CFH: variants seen among roughly 807,000 people sequenced by gnomAD.
The protein encoded by CFH is complement factor H.
A neutral mutation model predicts 147.3 loss-of-function variants in CFH; 53 were observed. The ratio of observed to expected loss-of-function variants is 0.36; its 90% confidence interval spans 0.29 to 0.45. The LOEUF (loss-of-function observed/expected upper bound fraction) is 0.45, where lower values mean the gene tolerates loss of function less well. Among genes scored for constraint, CFH ranks in the 20% least tolerant of loss-of-function variants. CFH has a pLI of 1.00. For missense variants in CFH, 1,380 were observed against 1,498.0 expected (o/e 0.92, Z 1.30); for synonymous variants, 536 against 489.4 (o/e 1.10, Z -1.26).
At chr1:196,691,553 G>T (rs1668023695) in intron 9 of CFH, among the ~76,000 whole-genome samples, 1 of 151,670 alleles carries the variant, frequency 6.6e-6, no homozygotes, top group South Asian at 2.1e-4. Context: ...AGTTTAATTG[G>T]TATTTAATGC....
At chr1:196,717,999 G>A (rs1017495849) in intron 11 of CFH, among the ~76,000 whole-genome samples, 1 of 152,052 alleles carries the variant, frequency 6.6e-6, no homozygotes, top group African/African-American at 2.4e-5. Context: ...GTGTGTGGGC[G>A]AAGGAGGAGG....
In CFH at chr1:196,713,753, G is replaced by A. The variant is rs1558172767; in HGVS notation, c.1355G>A (p.Ser452Asn). Reference sequence around the variant, plus strand: ...CTTTTAGAAACATGTTCCAAATCAAGTATAGATATTGAGAATGGGTTTATT... The same window carrying A: ...CTTTTAGAAACATGTTCCAAATCAAATATAGATATTGAGAATGGGTTTATT... ...CIRVKTCSKS[S>N]IDIENGFISE... is the part of the protein sequence containing the mutation. Residue 452 changes from serine (S) to asparagine (N), a missense_variant, in exon 10 of 22, where the codon AGT (serine) becomes AAT (asparagine). Ser to Asn is a conservative substitution (Grantham distance 46). This residue lies in a region of CFH where 830 missense variants were observed against 821.4 expected (regional missense o/e 1.01). Transcript: ENST00000367429. The A allele has an allele frequency of 3.1e-6, 5 of 1,592,250 alleles. No homozygotes were observed. The highest frequency in any genetic ancestry group is 3.4e-6 in the Non-Finnish European group (4 of 1,161,470).
chr1:196,675,846 C>T (rs1667434864), intron 3 of CFH, 143 bp from the exon 4 acceptor site: 1 of 541,344 alleles, frequency 1.8e-6, no homozygotes, highest in Middle Eastern at 3.0e-4. Flanking sequence ...GAAGGAAAAA[C>T]AAACAAGAAA....
chr1:196,692,588 T>C (rs1001491941), intron 9 of CFH, among the ~76,000 whole-genome samples: 6 of 82,626 alleles, frequency 7.3e-5, no homozygotes, highest in Non-Finnish European at 1.5e-4. Flanking sequence ...TTTCTTTCTT[T>C]CCTTCTCTTC....
At chr1:196,743,683 T>C (rs542877980) in intron 20 of CFH, 55 bp downstream of exon 20, 233 of 1,609,278 alleles carry the variant, frequency 1.4e-4, no homozygotes, top group Admixed American at 5.7e-4. Context: ...GGTTAAAATA[T>C]GTTGATTTAA....
rs1669139358 is a variant in CFH at position 196,726,467 on chromosome 1, T to C, written c.1874-3T>C. 10 of 1,603,552 alleles carry C rather than the reference T, an allele frequency of 6.2e-6. No homozygotes were observed. The highest frequency in any genetic ancestry group is 1.1e-5 in the South Asian group (1 of 90,798). On this transcript the variant is annotated splice_polypyrimidine_tract_variant and splice_region_variant and intron_variant, in intron 12 of 21. Coordinates refer to ENST00000367429, the MANE Select transcript of CFH (RefSeq NM_000186.4). The stretch of plus-strand genomic sequence containing the variant: ...CATTATTTACATAGTATTTCTACTA[T>C]AGAGCAAGTACAATCATGTGGTCCA...
chr1:196,742,078 T>C, intron 19 of CFH, 27 bp downstream of exon 19: 1 of 1,610,718 alleles, frequency 6.2e-7, no homozygotes, highest in Non-Finnish European at 8.5e-7. Flanking sequence ...TCAAAATTTA[T>C]TTATATAATG....
Position 196,685,137 on chromosome 1 carries a change from T to C in CFH, c.864T>C (p.Asp288=), listed in dbSNP as rs770711656. 6.2e-6 allele frequency: 10 copies of C among 1,612,712 alleles called. No individual in the cohort carries two copies. Among genetic ancestry groups the C allele is most frequent in the Non-Finnish European group, 5.9e-6 (7 of 1,178,954 alleles). Residue 288 remains aspartate (D), a synonymous_variant, in exon 7 of 22, where the codon GAT becomes GAC. Coordinates refer to ENST00000367429, the MANE Select transcript of CFH (RefSeq NM_000186.4). The part of the protein sequence containing the change: ...SPLRIKHRTG[D]EITYQCRNGF... ...TAAGGATTAAACACAGAACTGGAGATGAAATCACGTACCAGTGTAGAAATG... is the reference window on the plus strand; with the variant it reads ...TAAGGATTAAACACAGAACTGGAGACGAAATCACGTACCAGTGTAGAAATG...
chr1:196,747,399 T>A lies in CFH; in HGVS notation c.*86T>A. 6.6e-7 allele frequency: 1 copy of A among 1,524,576 alleles called. No individual in the cohort carries two copies. The highest frequency in any genetic ancestry group is 9.0e-7 in the Non-Finnish European group (1 of 1,108,622). The allele number at this position is 1,524,576 out of a possible 1,614,324, so 94.4% of individuals were successfully genotyped here. A position where few individuals can be genotyped will look rare whatever the true frequency, so the allele number is the denominator to read the frequency against. On this transcript the variant is annotated 3_prime_UTR_variant, in exon 22 of 22. Transcript: ENST00000367429. ...CATTTTTTATGTATTGTTTTACTCC[T>A]TTTTATTCATACGTAAAATTTTGGA... is the stretch of plus-strand genomic sequence containing the variant.
chr1:196,708,033 C>G, intron 9 of CFH, among the ~76,000 whole-genome samples: 1 of 152,026 alleles, frequency 6.6e-6, no homozygotes, highest in East Asian at 1.9e-4. Context: ...TCTAGACATT[C>G]TATGCCATGC....
intron 11 of CFH, among the ~76,000 whole-genome samples, chr1:196,723,181 T>C (rs1045136018): frequency 6.6e-6 from 1 of 152,212 alleles, no homozygotes; most frequent in Non-Finnish European, 1.5e-5. Context: ...CAGTGGTTTC[T>C]TCTCATCCAG....
intron 9 of CFH, among the ~76,000 whole-genome samples, chr1:196,705,244 A>G (rs1038582668): frequency 6.6e-6 from 1 of 152,184 alleles, no homozygotes; most frequent in Non-Finnish European, 1.5e-5. Flanking sequence ...CCAAGAAAAA[A>G]ATCACAAATA....
At chr1:196,694,663 C>T (rs1668189418) in intron 9 of CFH, among the ~76,000 whole-genome samples, 1 of 152,184 alleles carries the variant, frequency 6.6e-6, no homozygotes, top group Admixed American at 6.5e-5. Context: ...TCGCCAGCAC[C>T]TGTGGTTTCC....
intron 1 of CFH, 120 bp downstream of exon 1, chr1:196,652,295 C>T (rs536417750): frequency 2.7e-6 from 2 of 734,224 alleles, no homozygotes; most frequent in Admixed American, 2.3e-5. Flanking sequence ...TGTAACTTGA[C>T]AATTGAGTGG....
At chr1:196,729,333 A>G (rs6689009) in intron 15 of CFH, among the ~76,000 whole-genome samples, 34,457 of 151,938 alleles carry the variant, frequency 0.23, 4,496 homozygotes, top group African/African-American at 0.33. Context: ...GCCATTCTAT[A>G]TAGATTTATT....
chr1:196,718,414 G>T (rs1304239802), intron 11 of CFH, among the ~76,000 whole-genome samples: 2 of 152,034 alleles, frequency 1.3e-5, no homozygotes, highest in East Asian at 3.9e-4. Flanking sequence ...AGTGAGAAGG[G>T]TATGTGCAAC....
In CFH at chr1:196,713,852, A is replaced by G. The variant is rs55954153; in HGVS notation, c.1454A>G (p.Asp485Gly). Reference sequence around the variant, plus strand: ...TGCAAACTAGGATATGTAACAGCAGATGGTGAAACATCAGGATCAATTACA... The same window carrying G: ...TGCAAACTAGGATATGTAACAGCAGGTGGTGAAACATCAGGATCAATTACA... ...YQCKLGYVTA[D>G]GETSGSITCG... is the part of the protein sequence containing the mutation. The change falls in exon 10 of 22, where the codon GAT becomes GGT. Residue 485 changes from aspartate (D) to glycine (G), a missense_variant. Around this residue, in one of 4 missense-constraint regions of CFH, gnomAD observed 830 missense variants for 821.4 expected, o/e 1.01. Coordinates refer to ENST00000367429, the MANE Select transcript of CFH (RefSeq NM_000186.4). The G allele has an allele frequency of 9.9e-6, 16 of 1,612,876 alleles. No homozygotes were observed. In the East Asian group the frequency reaches 3.6e-4, roughly 36 times the overall value.
chr1:196,715,181 A>T (rs551405119), intron 10 of CFH, among the ~76,000 whole-genome samples: 61 of 152,044 alleles, frequency 4.0e-4, no homozygotes, highest in African/African-American at 1.4e-3. Flanking sequence ...ATAGGAATTT[A>T]TATTTTCAGT....
At chr1:196,652,760 T>C (rs900758104) in intron 1 of CFH, among the ~76,000 whole-genome samples, 11 of 151,846 alleles carry the variant, frequency 7.2e-5, no homozygotes, top group African/African-American at 2.4e-4. Flanking sequence ...AGTTGTTCAA[T>C]AGAGATTTTT....
Sources: allele counts gnomAD v4.1 joint callset (sites outside exome capture counted in the v4.1 genomes callset), GRCh38; gene constraint gnomAD v4.1.1; regional missense constraint gnomAD v4.1.1; transcripts MANE v1.5; gene names NCBI Gene and HGNC (gene_info 2026-07-23, HGNC 2026-07-21).